The following YME1L1 variants were observed in gnomAD, a reference collection of about 807,000 sequenced individuals.
The protein encoded by YME1L1 is ATP-dependent zinc metalloprotease YME1L1.
YME1L1 carries 39 observed loss-of-function variants against 90.4 expected under a neutral mutation model. That is an observed-to-expected ratio of 0.43 (90% CI 0.33 to 0.56). The LOEUF is 0.56. YME1L1 is among the 20% of genes least tolerant of loss of function. The pLI is 0.03. For missense variants in YME1L1, 617 were observed against 868.4 expected (o/e 0.71, Z 3.64); for synonymous variants, 284 against 287.3 (o/e 0.99, Z 0.12).
At chr10:27,135,653 G>A (rs1019424217) in intron 5 of YME1L1, among the ~76,000 whole-genome samples, 2 of 152,196 alleles carry the variant, frequency 1.3e-5, no homozygotes, top group Non-Finnish European at 2.9e-5. Context: ...GAGAGGAGCA[G>A]GGAAACAGAG....
chr10:27,128,994 G>C (rs1289927404), intron 8 of YME1L1, among the ~76,000 whole-genome samples: 3 of 145,176 alleles, frequency 2.1e-5, no homozygotes, highest in Non-Finnish European at 4.5e-5. Context: ...GTTAAGGCAG[G>C]AGTATCACTT....
chr10:27,111,687 T>G lies in YME1L1; in HGVS notation c.*290A>C. The G allele has an allele frequency of 2.2e-6, 1 of 449,722 alleles. No homozygotes were observed. Among genetic ancestry groups the G allele is most frequent in the Non-Finnish European group, 4.1e-6 (1 of 243,956 alleles). 27.9% of individuals were successfully genotyped at this position (449,722 alleles called of 1,614,324 possible). A position where few individuals can be genotyped will look rare whatever the true frequency, so the allele number is the denominator to read the frequency against. On this transcript the variant is annotated 3_prime_UTR_variant, in exon 19 of 19. Transcript: ENST00000376016. ...AGTAGAGTAACCAAACATAAAATCA[T>G]TAATTACTTTCAACTTAATAACTAA... is the stretch of plus-strand genomic sequence containing the variant.
chr10:27,149,770 T>TA (rs573322820), intron 1 of YME1L1, among the ~76,000 whole-genome samples: 19,132 of 124,674 alleles, frequency 0.15, 1,731 homozygotes, highest in Admixed American at 0.25. Flanking sequence ...ATCCAACATT[T>TA]AAAAAAAAAA....
rs60043957 is a variant in YME1L1 at position 27,141,601 on chromosome 10, G to GACACACACAC, written c.430+776_430+785dup. 5.7e-5 allele frequency among the ~76,000 whole-genome samples: 8 copies of GACACACACAC among 141,580 alleles called. 1 individual carries two copies. The highest frequency in any genetic ancestry group is 4.7e-4 in the South Asian group (2 of 4,268). The allele number at this position is 141,580 out of a possible 152,430, so 92.9% of individuals were successfully genotyped here. On this transcript the variant is annotated intron_variant, in intron 4 of 18. Transcript: ENST00000376016. ...GAGTCTCCACAGACAGATGTCCCTC[G>GACACACACAC]ACACACACACACACACACACACACA...
intron 3 of YME1L1, among the ~76,000 whole-genome samples, chr10:27,143,370 A>AAAAAC (rs1463057211): frequency 6.7e-6 from 1 of 149,398 alleles, no homozygotes; most frequent in Admixed American, 6.7e-5. Context: ...ACTCAGTCTC[A>AAAAAC]AAAACAAAAC....
chr10:27,119,505 C>A, intron 13 of YME1L1, 56 bp from the exon 14 acceptor site: 1 of 1,542,534 alleles, frequency 6.5e-7, no homozygotes, highest in South Asian at 1.2e-5. Context: ...AAAGAAAGCT[C>A]TTCACAAAGA....
chr10:27,152,439 G>A (rs2057230764), intron 1 of YME1L1, among the ~76,000 whole-genome samples: 1 of 152,140 alleles, frequency 6.6e-6, no homozygotes, highest in Non-Finnish European at 1.5e-5. Context: ...CACTATATTT[G>A]AGCCCTGTTA....
chr10:27,118,838 G>A (rs1243218999), intron 14 of YME1L1, among the ~76,000 whole-genome samples: 1 of 152,150 alleles, frequency 6.6e-6, no homozygotes, highest in Non-Finnish European at 1.5e-5. Flanking sequence ...CTGACAAGAG[G>A]AAATGTATAC....
intron 3 of YME1L1, among the ~76,000 whole-genome samples, chr10:27,143,525 T>C (rs2057112124): frequency 6.7e-6 from 1 of 150,164 alleles, no homozygotes; most frequent in East Asian, 2.0e-4. Context: ...TGGTGAAACC[T>C]CGTCTCTACT....
chr10:27,142,528 C>CA (rs1408865667), intron 3 of YME1L1, 43 bp from the exon 4 acceptor site: 3 of 939,882 alleles, frequency 3.2e-6, no homozygotes, highest in South Asian at 2.3e-5. Flanking sequence ...ATTTCCAAAC[C>CA]AAAAAACAAA....
intron 1 of YME1L1, among the ~76,000 whole-genome samples, chr10:27,152,859 C>T (rs1018596794): frequency 2.6e-5 from 4 of 152,058 alleles, no homozygotes; most frequent in African/African-American, 7.2e-5. Context: ...CACTCTTGCC[C>T]TCTCCTATTC....
chr10:27,119,176 AG>A, intron 14 of YME1L1, 117 bp downstream of exon 14: 1 of 1,033,244 alleles, frequency 9.7e-7, no homozygotes, highest in South Asian at 2.3e-5. Context: ...GAAGTTTTAG[AG>A]TAAGATTAGA....
intron 1 of YME1L1, among the ~76,000 whole-genome samples, chr10:27,149,475 C>A (rs559890356): frequency 6.6e-6 from 1 of 151,886 alleles, no homozygotes; most frequent in Admixed American, 6.5e-5. Flanking sequence ...TTTGGGAGAC[C>A]GAGGTGGGTG....
rs2057285427 is a variant in YME1L1, at chr10:27,154,291, C to T, written c.-81G>A. On this transcript the variant is annotated 5_prime_UTR_variant, in exon 1 of 19. Coordinates refer to ENST00000376016, the MANE Select transcript of YME1L1 (RefSeq NM_014263.4). ...ACGGCCCGGCGGGGAGGCGCTGAGC[C>T]CTTCTTTTTTCCTTTTTCTCCGACC... The T allele has an allele frequency of 2.0e-6, 3 of 1,507,282 alleles. No homozygotes were observed. Among genetic ancestry groups the T allele is most frequent in the Non-Finnish European group, 2.7e-6 (3 of 1,118,892 alleles). The allele number at this position is 1,507,282 out of a possible 1,614,324, so 93.4% of individuals were successfully genotyped here.
intron 4 of YME1L1, among the ~76,000 whole-genome samples, chr10:27,136,784 C>A (rs568961971): frequency 8.6e-5 from 13 of 151,444 alleles, no homozygotes; most frequent in Admixed American, 5.9e-4. Context: ...GGCTGGAGTG[C>A]AAGGCATTGC....
rs1156522278 is a variant in YME1L1, at chr10:27,139,678, T to G, written c.430+2709A>C. ...TTTAAACTTCATGGTTATTATCCTA[T>G]CTCTTCTTGGGTTAACTTTGTTAAT... is the stretch of plus-strand genomic sequence containing the variant. On this transcript the variant is annotated intron_variant, in intron 4 of 18. Coordinates refer to ENST00000376016, the MANE Select transcript of YME1L1 (RefSeq NM_014263.4). Among the ~76,000 whole-genome samples the G allele has an allele frequency of 3.3e-5, 5 of 152,296 alleles. No individual in the cohort carries two copies. The East Asian group carries it at 9.6e-4, about 29-fold the overall frequency.
At chr10:27,147,128 G>A in intron 2 of YME1L1, 1 of 466,900 alleles carries the variant, frequency 2.1e-6, no homozygotes, top group Non-Finnish European at 3.8e-6. Flanking sequence ...AAACTGTGAA[G>A]AGCCATGTTT....
At chr10:27,118,741 A>G (rs1209158835) in intron 14 of YME1L1, among the ~76,000 whole-genome samples, 3 of 152,252 alleles carry the variant, frequency 2.0e-5, no homozygotes, top group Non-Finnish European at 4.4e-5. Context: ...TTTAACAAGA[A>G]TATCATAATT....
intron 2 of YME1L1, chr10:27,147,251 T>C: frequency 1.6e-6 from 1 of 635,292 alleles, no homozygotes; most frequent in Non-Finnish European, 2.7e-6. Context: ...CCAACACTTT[T>C]GAGAGGCTGA....
Sources: gnomAD v4.1 joint callset for allele counts (sites outside exome capture counted in the v4.1 genomes callset) on GRCh38, gnomAD v4.1.1 for gene constraint, MANE v1.5 for transcripts, NCBI Gene and HGNC (gene_info 2026-07-23, HGNC 2026-07-21) for gene names.